Variants in LARP4B observed in about 807,000 individuals in gnomAD.
LARP4B encodes la-related protein 4B.
In LARP4B, 12 loss-of-function variants were observed where a neutral mutation model predicts 89.8. The observed-to-expected ratio is 0.13, with a 90% CI of 0.09 to 0.22. The LOEUF (loss-of-function observed/expected upper bound fraction) is 0.22. Ranked by LOEUF, LARP4B falls within the 10% of genes least tolerant of loss-of-function variation. The probability of loss-of-function intolerance (pLI) is 1.00; values close to 1 mark genes in which losing one functional copy is unlikely to be tolerated. For missense variants in LARP4B, 757 were observed against 947.7 expected, an observed-to-expected ratio of 0.80 and a Z score of 2.64; for synonymous variants, 367 against 363.3, an observed-to-expected ratio of 1.01 and a Z score of -0.12.
the LARP4B span, among the ~76,000 whole-genome samples, chr10:949,731 G>A: frequency 6.6e-6 from 1 of 152,214 alleles, no homozygotes; most frequent in African/African-American, 2.4e-5. Context: ...ATCTCTTCTT[G>A]TGCTTATTTG....
rs760339607 is a variant in LARP4B at position 814,548 on chromosome 10, A to C, written c.1929+194T>G. 1.1e-5 allele frequency: 14 copies of C among 1,262,058 alleles called. No individual in the cohort carries two copies. Among genetic ancestry groups the C allele is most frequent in the Non-Finnish European group, 4.5e-6 (4 of 893,296 alleles). The allele number at this position is 1,262,058 out of a possible 1,614,324, so 78.2% of individuals were successfully genotyped here. A position where few individuals can be genotyped will look rare whatever the true frequency, so the allele number is the denominator to read the frequency against. ...GGACTACATGGTGGTCTGAGAAAGA[A>C]CTAGAGTAGTTAGTGGAAAATTATT... On this transcript the variant is annotated intron_variant, in intron 17 of 17. Coordinates refer to ENST00000316157, the MANE Select transcript of LARP4B (RefSeq NM_015155.3). The surrounding 1 kb of genome is among the most constrained non-coding windows in gnomAD (Gnocchi z 4.4).
At chr10:951,966 A>C in the LARP4B span, among the ~76,000 whole-genome samples, 1 of 150,254 alleles carries the variant, frequency 6.7e-6, no homozygotes, top group African/African-American at 2.5e-5. Context: ...GCAGCCCAGA[A>C]CCAACTGCAT....
chr10:919,110 T>C (rs902792655), intron 1 of LARP4B, among the ~76,000 whole-genome samples: 1 of 152,190 alleles, frequency 6.6e-6, no homozygotes, highest in African/African-American at 2.4e-5. Context: ...TGAAAATTAC[T>C]ATTAATACTT....
the LARP4B span, among the ~76,000 whole-genome samples, chr10:968,411 A>AT: frequency 6.6e-6 from 1 of 152,190 alleles, no homozygotes; most frequent in Non-Finnish European, 1.5e-5. Flanking sequence ...TTATTAGCAT[A>AT]TTTTTTGGTT....
intron 1 of LARP4B, among the ~76,000 whole-genome samples, chr10:910,896 C>T (rs1206200359): frequency 6.6e-6 from 1 of 152,170 alleles, no homozygotes; most frequent in African/African-American, 2.4e-5. Context: ...AGGGTCTGGT[C>T]CCCCGTACCC....
chr10:912,494 T>C (rs1836694444), intron 1 of LARP4B, among the ~76,000 whole-genome samples: 1 of 152,104 alleles, frequency 6.6e-6, no homozygotes, highest in South Asian at 2.1e-4. Flanking sequence ...AATGTTTTCT[T>C]TTTCCACTCA....
At chr10:963,530 G>A in the LARP4B span, among the ~76,000 whole-genome samples, 2 of 152,168 alleles carry the variant, frequency 1.3e-5, no homozygotes, top group East Asian at 1.9e-4. Flanking sequence ...TTCCTCTGGT[G>A]TCTAAACAGA....
At chr10:896,507 A>G (rs1448452461) in intron 1 of LARP4B, among the ~76,000 whole-genome samples, 3 of 152,240 alleles carry the variant, frequency 2.0e-5, no homozygotes, top group Non-Finnish European at 4.4e-5. Flanking sequence ...AGAGATTTAC[A>G]AAACATGAAA....
chr10:821,227 A>G (rs1036976041), intron 13 of LARP4B, among the ~76,000 whole-genome samples: 2 of 152,164 alleles, frequency 1.3e-5, no homozygotes, highest in Non-Finnish European at 2.9e-5. Flanking sequence ...TGGTGGTGAG[A>G]ATTTTCCCGG....
At chr10:951,118 G>A in the LARP4B span, among the ~76,000 whole-genome samples, 1 of 152,082 alleles carries the variant, frequency 6.6e-6, no homozygotes, top group African/African-American at 2.4e-5. Flanking sequence ...ATACAGTGGT[G>A]ATAACAGGCA....
At chr10:871,589 A>G (rs138218633) in intron 3 of LARP4B, among the ~76,000 whole-genome samples, 13 of 152,148 alleles carry the variant, frequency 8.5e-5, no homozygotes, top group African/African-American at 2.7e-4. Flanking sequence ...GTCTGGCAGC[A>G]GGGGACTTCT....
chr10:982,985 T>G, the LARP4B span, among the ~76,000 whole-genome samples: 1 of 152,248 alleles, frequency 6.6e-6, no homozygotes, highest in African/African-American at 2.4e-5. Context: ...AATGAACATT[T>G]ATGAAGGAAG....
chr10:863,966 A>C (rs1287950104), intron 4 of LARP4B, 83 bp from the exon 5 acceptor site: 1 of 1,561,104 alleles, frequency 6.4e-7, no homozygotes, highest in African/African-American at 1.4e-5. Context: ...GCAGTGACTC[A>C]ACTTCTTTAG....
At chr10:933,774 A>G (rs892295953), upstream of LARP4B, among the ~76,000 whole-genome samples, 1 of 151,848 alleles carries the variant, frequency 6.6e-6, no homozygotes, top group South Asian at 2.1e-4. Context: ...GGTTCATAAC[A>G]TTGCTAGGGC....
At chr10:942,372 T>A in the LARP4B span, 3 of 152,300 alleles carry the variant, frequency 2.0e-5, no homozygotes, top group Non-Finnish European at 2.9e-5. Flanking sequence ...CAACACCAGA[T>A]TCCATGTTCC....
upstream of LARP4B, among the ~76,000 whole-genome samples, chr10:935,691 AT>A (rs918052411): frequency 1.7e-4 from 25 of 146,702 alleles, no homozygotes; most frequent in Non-Finnish European, 2.0e-4. Context: ...GTCTGAGAAC[AT>A]TCTTTTCTTT....
chr10:887,370 T>A (rs919937145), intron 1 of LARP4B, among the ~76,000 whole-genome samples: 1 of 151,428 alleles, frequency 6.6e-6, no homozygotes, highest in Non-Finnish European at 1.5e-5. Context: ...CATTTCACTA[T>A]GTATATCAAA....
At position 865,820 on chromosome 10, in the gene LARP4B, G is replaced by A. The variant is rs1834869206; in HGVS notation, c.142-1550C>T. 3.3e-5 allele frequency among the ~76,000 whole-genome samples: 5 copies of A among 152,200 alleles called. No individual in the cohort carries two copies. In the South Asian group the frequency reaches 1.0e-3, roughly 32 times the overall value. Reference sequence around the variant, plus strand: ...TCACACCACAGTGCAGGAAGTCAAAGCTTCTGGAGGAAGGGACAGGTCCCT... The same window carrying A: ...TCACACCACAGTGCAGGAAGTCAAAACTTCTGGAGGAAGGGACAGGTCCCT... On this transcript the variant is annotated intron_variant, in intron 3 of 17. Coordinates refer to ENST00000316157, the MANE Select transcript of LARP4B (RefSeq NM_015155.3).
intron 3 of LARP4B, chr10:873,271 A>C: frequency 1.0e-6 from 1 of 985,374 alleles, no homozygotes; most frequent in Non-Finnish European, 1.2e-6. Context: ...CCCCTTGCAC[A>C]GCGGTCACAT....
Sources: gnomAD v4.1 joint callset for allele counts (sites outside exome capture counted in the v4.1 genomes callset) on GRCh38, gnomAD v4.1.1 for gene constraint, Gnocchi (gnomAD v3.1) non-coding constraint, MANE v1.5 for transcripts, NCBI Gene and HGNC (gene_info 2026-07-23, HGNC 2026-07-21) for gene names.